Variants in ADAM12 observed in about 807,000 individuals in gnomAD.
ADAM12 encodes the protein ADAM metallopeptidase domain 12.
ADAM12 carries 70 observed loss-of-function variants against 106.4 expected under a neutral mutation model. The observed-to-expected ratio is 0.66, with a 90% CI of 0.54 to 0.80. The LOEUF is 0.80. Among genes scored for constraint, ADAM12 ranks in the 30% least tolerant of loss-of-function variants. ADAM12 has a pLI of 0.00. For missense variants in ADAM12, 1,010 were observed against 1,171.9 expected (o/e 0.86, Z 2.02); for synonymous variants, 420 against 433.5 (o/e 0.97, Z 0.39).
intron 3 of ADAM12, among the ~76,000 whole-genome samples, chr10:126,211,799 C>T (rs1957906603): frequency 6.6e-6 from 1 of 152,236 alleles, no homozygotes. Flanking sequence ...TCTCTGCTTC[C>T]TGTGGACAGA....
At chr10:126,212,232 T>G (rs981007445) in intron 3 of ADAM12, among the ~76,000 whole-genome samples, 2 of 152,228 alleles carry the variant, frequency 1.3e-5, no homozygotes, top group Non-Finnish European at 2.9e-5. Context: ...AAAAGTTTCA[T>G]CTATAGATGT....
intron 3 of ADAM12, among the ~76,000 whole-genome samples, chr10:126,212,785 G>A (rs573417245): frequency 1.6e-4 from 25 of 152,268 alleles, no homozygotes; most frequent in African/African-American, 5.8e-4. Flanking sequence ...AGTAAGCAAA[G>A]GCTTTTCTCC....
rs1954114318 is a variant in ADAM12 at position 126,039,167 on chromosome 10, T to C, written c.2240+127A>G. The C allele has an allele frequency of 3.5e-6, 4 of 1,144,952 alleles. No individual in the cohort carries two copies. In the South Asian group the frequency reaches 5.8e-5, roughly 17 times the overall value. The allele number at this position is 1,144,952 out of a possible 1,614,324, so 70.9% of individuals were successfully genotyped here. ...GTAGAGACGGGGTTTCACCGTGGTCTCGATCTCCTGACCTCGTGATCCGCC... is the reference window on the plus strand; with the variant it reads ...GTAGAGACGGGGTTTCACCGTGGTCCCGATCTCCTGACCTCGTGATCCGCC... On this transcript the variant is annotated intron_variant, in intron 19 of 22. Transcript: ENST00000448723.
intron 3 of ADAM12, among the ~76,000 whole-genome samples, chr10:126,198,925 A>G (rs1957647520): frequency 6.6e-6 from 1 of 152,222 alleles, no homozygotes; most frequent in Admixed American, 6.5e-5. Context: ...TTTTCCCAGT[A>G]TATCAGAAAT....
intron 2 of ADAM12, among the ~76,000 whole-genome samples, chr10:126,324,459 G>A (rs1854219891): frequency 6.6e-6 from 1 of 152,212 alleles, no homozygotes; most frequent in Non-Finnish European, 1.5e-5. Flanking sequence ...AGTCCCATGG[G>A]CATCATGCTA....
At chr10:126,359,883 G>A (rs1195976686) in intron 1 of ADAM12, among the ~76,000 whole-genome samples, 1 of 152,196 alleles carries the variant, frequency 6.6e-6, no homozygotes, top group East Asian at 1.9e-4. Context: ...TCTCCATGAA[G>A]GACTCACCCC....
Position 126,049,472 on chromosome 10 carries a change from A to G in ADAM12, c.1719-21T>C, listed in dbSNP as rs201882679. The G allele has an allele frequency of 8.1e-5, 131 of 1,614,150 alleles. No individual in the cohort carries two copies. In the African/African-American group the frequency reaches 1.6e-3, roughly 20 times the overall value. On this transcript the variant is annotated intron_variant, in intron 15 of 22. Transcript: ENST00000448723. The surrounding 1 kb of genome is among the most constrained non-coding windows in gnomAD (Gnocchi z 4.4). ...CATCTCTGGAAGGGTAAGAACAAAC[A>G]ATTCCCAAGGAGAAACCATTTGGAA...
In ADAM12 at chr10:126,049,349, T is replaced by A. The variant is rs184387932; in HGVS notation, c.1821A>T (p.Gly607=). ...GGGTCCCCCGGCACAGAATCCGGCC[T>A]CCTTGCTGCAGGGGGATGTTTGTTT... ...SIETNIPLQQ[G]GRILCRGTHV... The change falls in exon 16 of 23, where the codon GGA becomes GGT. Residue 607 remains glycine, a synonymous_variant. Transcript: ENST00000448723. This position sits in a 1 kb window ranked among gnomAD's most constrained non-coding sequence, Gnocchi z 4.4. The A allele has an allele frequency of 1.1e-4, 174 of 1,614,214 alleles. 2 individuals are homozygous for A. The East Asian group carries it at 3.7e-3, about 35-fold the overall frequency.
intron 1 of ADAM12, among the ~76,000 whole-genome samples, chr10:126,387,414 A>T (rs1278115491): frequency 6.6e-6 from 1 of 152,152 alleles, no homozygotes; most frequent in Non-Finnish European, 1.5e-5. Context: ...TGGAGGAAGG[A>T]GGGAGAATTC....
chr10:126,058,553 A>G (rs1444505941), intron 14 of ADAM12, among the ~76,000 whole-genome samples: 1 of 152,254 alleles, frequency 6.6e-6, no homozygotes, highest in Non-Finnish European at 1.5e-5. Flanking sequence ...ACTTATAAGC[A>G]GGGAAACCAA....
At chr10:126,228,970 AT>A (rs1444876015) in intron 3 of ADAM12, among the ~76,000 whole-genome samples, 1 of 152,380 alleles carries the variant, frequency 6.6e-6, no homozygotes, top group South Asian at 2.1e-4. Flanking sequence ...ACAATATAAA[AT>A]CAATTGGTAT....
At chr10:126,050,073 C>T (rs2133440123) in intron 14 of ADAM12, among the ~76,000 whole-genome samples, 1 of 152,270 alleles carries the variant, frequency 6.6e-6, no homozygotes, top group African/African-American at 2.4e-5. Context: ...CAACATCCCA[C>T]ACAATTCCGG....
chr10:126,335,256 C>G (rs1854658735), intron 1 of ADAM12, among the ~76,000 whole-genome samples: 1 of 152,192 alleles, frequency 6.6e-6, no homozygotes, highest in Non-Finnish European at 1.5e-5. Flanking sequence ...GATCATTAGT[C>G]AAGAGAAACT....
chr10:126,137,651 TGACTGGCTTCTTTCACTTAAGC>T (rs1956430460), intron 4 of ADAM12, among the ~76,000 whole-genome samples: 1 of 152,222 alleles, frequency 6.6e-6, no homozygotes, highest in East Asian at 1.9e-4. Context: ...GTGCCTTTTG[TGACTGGCTTCTTTCACTTAAGC>T]ATGGTGTTCT....
At chr10:126,312,762 T>C (rs1450810518) in intron 2 of ADAM12, among the ~76,000 whole-genome samples, 3 of 152,176 alleles carry the variant, frequency 2.0e-5, no homozygotes, top group Non-Finnish European at 4.4e-5. Context: ...TTCTCTTCTC[T>C]TGTTAGACAA....
At chr10:126,205,085 T>C (rs1373048644) in intron 3 of ADAM12, among the ~76,000 whole-genome samples, 1 of 152,114 alleles carries the variant, frequency 6.6e-6, no homozygotes, top group African/African-American at 2.4e-5. Context: ...TGGAGTTCCA[T>C]AGCTAATACT....
At chr10:126,217,162 T>A (rs1413265732) in intron 3 of ADAM12, among the ~76,000 whole-genome samples, 1 of 152,162 alleles carries the variant, frequency 6.6e-6, no homozygotes, top group Non-Finnish European at 1.5e-5. Context: ...TTTATAATAA[T>A]CACTATAAAA....
chr10:126,274,540 C>G (rs1350442966), intron 3 of ADAM12, among the ~76,000 whole-genome samples: 1 of 152,176 alleles, frequency 6.6e-6, no homozygotes, highest in East Asian at 1.9e-4. Flanking sequence ...TTAGTTTTGG[C>G]CCATTGATCC....
At chr10:126,023,614 A>G (rs1224645464) in intron 21 of ADAM12, among the ~76,000 whole-genome samples, 6 of 152,194 alleles carry the variant, frequency 3.9e-5, no homozygotes, top group African/African-American at 1.4e-4. Flanking sequence ...TCAGGTTAAG[A>G]ATCTTCTAGA....
Sources: allele counts gnomAD v4.1 joint callset (sites outside exome capture counted in the v4.1 genomes callset), GRCh38; gene constraint gnomAD v4.1.1; non-coding constraint Gnocchi (gnomAD v3.1); transcripts MANE v1.5; gene names NCBI Gene and HGNC (gene_info 2026-07-23, HGNC 2026-07-21).